Variants in ZBTB20 observed in about 807,000 individuals in gnomAD.
The protein encoded by ZBTB20 is zinc finger and BTB domain-containing protein 20.
In ZBTB20, 9 loss-of-function variants were observed where a neutral mutation model predicts 56.9. The ratio of observed to expected loss-of-function variants is 0.16; its 90% CI spans 0.10 to 0.28. The LOEUF (loss-of-function observed/expected upper bound fraction) is 0.28, where lower values mean the gene tolerates loss of function less well. Among genes scored for constraint, ZBTB20 ranks in the 10% least tolerant of loss-of-function variants. The pLI, the probability that ZBTB20 is intolerant of heterozygous loss-of-function variation, is 1.00. For missense variants in ZBTB20, 655 were observed against 1,003.0 expected, an observed-to-expected ratio of 0.65 and a Z score of 4.69; for synonymous variants, 417 against 420.7, an observed-to-expected ratio of 0.99 and a Z score of 0.11.
At chr3:114,972,486 C>T (rs762948983) in intron 3 of ZBTB20, among the ~76,000 whole-genome samples, 3 of 152,048 alleles carry the variant, frequency 2.0e-5, no homozygotes, top group Non-Finnish European at 4.4e-5. Flanking sequence ...GAAAAATACA[C>T]GGGATATTTT....
intron 4 of ZBTB20, among the ~76,000 whole-genome samples, chr3:114,857,095 T>C (rs1448205673): frequency 6.6e-6 from 1 of 152,168 alleles, no homozygotes; most frequent in Non-Finnish European, 1.5e-5. Context: ...ATACAGCACA[T>C]AATCTCATGG....
At chr3:115,132,164 C>G (rs1019636691) in intron 1 of ZBTB20, among the ~76,000 whole-genome samples, 1 of 152,084 alleles carries the variant, frequency 6.6e-6, no homozygotes, top group African/African-American at 2.4e-5. Context: ...CCATCCTAAA[C>G]CAGTTTGTCC....
At chr3:114,639,556 TA>T (rs1400340347) in intron 6 of ZBTB20, among the ~76,000 whole-genome samples, 2 of 151,906 alleles carry the variant, frequency 1.3e-5, no homozygotes, top group Non-Finnish European at 2.9e-5. Context: ...CTACCTTAAA[TA>T]AAAGTTTAAA....
chr3:115,070,340 T>G (rs1351914734), intron 2 of ZBTB20, among the ~76,000 whole-genome samples: 2 of 152,172 alleles, frequency 1.3e-5, no homozygotes, highest in Admixed American at 1.3e-4. Context: ...GAACTCATAT[T>G]TTATCAGTTT....
intron 6 of ZBTB20, among the ~76,000 whole-genome samples, chr3:114,548,876 G>T (rs1304289071): frequency 2.0e-5 from 3 of 152,188 alleles, no homozygotes; most frequent in East Asian, 3.8e-4. Context: ...AACAATGGAT[G>T]TAGGAAGCTC....
At chr3:114,805,435 A>C (rs573731978) in intron 4 of ZBTB20, among the ~76,000 whole-genome samples, 2 of 151,974 alleles carry the variant, frequency 1.3e-5, no homozygotes, top group Admixed American at 1.3e-4. Flanking sequence ...TGATTTGTCC[A>C]ATCCCGTAAC....
At chr3:115,048,215 ACT>A (rs931067324) in intron 2 of ZBTB20, among the ~76,000 whole-genome samples, 4 of 152,132 alleles carry the variant, frequency 2.6e-5, no homozygotes, top group Admixed American at 6.5e-5. Context: ...ACAGAGCGAG[ACT>A]CTGTCTCAAA....
chr3:114,839,767 A>C (rs1057127044), intron 4 of ZBTB20, among the ~76,000 whole-genome samples: 1 of 152,220 alleles, frequency 6.6e-6, no homozygotes, highest in Non-Finnish European at 1.5e-5. Flanking sequence ...GAGAAGACAG[A>C]GAGAGCAGAA....
At chr3:114,984,820 GAAAC>G (rs1279722206) in intron 2 of ZBTB20, among the ~76,000 whole-genome samples, 2 of 151,938 alleles carry the variant, frequency 1.3e-5, no homozygotes, top group East Asian at 3.9e-4. Context: ...CACAGACACA[GAAAC>G]AAACATACAC....
intron 5 of ZBTB20, among the ~76,000 whole-genome samples, chr3:114,750,243 A>C (rs763267713): frequency 1.3e-4 from 20 of 152,206 alleles, no homozygotes; most frequent in Non-Finnish European, 2.2e-4. Flanking sequence ...AATGCAGATG[A>C]TCAGGATGAC....
intron 7 of ZBTB20, among the ~76,000 whole-genome samples, chr3:114,471,319 A>G (rs565430223): frequency 6.6e-6 from 1 of 152,352 alleles, no homozygotes; most frequent in East Asian, 1.9e-4. Context: ...GAGATGGTAA[A>G]TAACTAGTTC....
At chr3:115,072,724 C>T (rs968878525) in intron 1 of ZBTB20, among the ~76,000 whole-genome samples, 1 of 152,168 alleles carries the variant, frequency 6.6e-6, no homozygotes, top group Admixed American at 6.5e-5. Flanking sequence ...CTCTCTGGCC[C>T]TTCTCCACTA....
intron 3 of ZBTB20, among the ~76,000 whole-genome samples, chr3:114,967,355 A>G (rs1433639242): frequency 1.3e-5 from 2 of 152,226 alleles, no homozygotes; most frequent in Non-Finnish European, 2.9e-5. Flanking sequence ...CATTTCAAAT[A>G]CTGATGATAT....
At chr3:114,771,835 G>C (rs1036767195) in intron 5 of ZBTB20, among the ~76,000 whole-genome samples, 2 of 152,262 alleles carry the variant, frequency 1.3e-5, no homozygotes, top group South Asian at 2.1e-4. Flanking sequence ...GAAAGTGTTA[G>C]AACTTTCCTC....
At chr3:114,985,598 T>G (rs1220695572) in intron 2 of ZBTB20, among the ~76,000 whole-genome samples, 1 of 152,116 alleles carries the variant, frequency 6.6e-6, no homozygotes, top group African/African-American at 2.4e-5. Flanking sequence ...TGAATGGAAC[T>G]GAATGAAAGT....
At chr3:115,120,977 T>C (rs2084167368) in intron 1 of ZBTB20, among the ~76,000 whole-genome samples, 1 of 152,048 alleles carries the variant, frequency 6.6e-6, no homozygotes, top group Admixed American at 6.6e-5. Flanking sequence ...TGAAAAGGAA[T>C]TAAATTTCAA....
chr3:114,735,298 T>C (rs1319053329), intron 5 of ZBTB20, among the ~76,000 whole-genome samples: 1 of 152,138 alleles, frequency 6.6e-6, no homozygotes, highest in Non-Finnish European at 1.5e-5. Flanking sequence ...AAGAGGATTC[T>C]GCTTGTTTAA....
intron 2 of ZBTB20, among the ~76,000 whole-genome samples, chr3:115,039,876 C>G (rs2081072981): frequency 1.3e-5 from 2 of 151,972 alleles, no homozygotes; most frequent in South Asian, 4.1e-4. Flanking sequence ...ATCTATTTTA[C>G]AGCATGAAAA....
chr3:114,589,875 T>G (rs914701888), intron 6 of ZBTB20, among the ~76,000 whole-genome samples: 1 of 152,176 alleles, frequency 6.6e-6, no homozygotes, highest in Non-Finnish European at 1.5e-5. Context: ...GTGTTTGAAT[T>G]GATGGTATAT....
Sources: gnomAD v4.1 joint callset for allele counts (sites outside exome capture counted in the v4.1 genomes callset) on GRCh38, gnomAD v4.1.1 for gene constraint, MANE v1.5 for transcripts, NCBI Gene and HGNC (gene_info 2026-07-23, HGNC 2026-07-21) for gene names.